Variants in RBFOX1 observed in about 807,000 individuals in gnomAD.
RBFOX1 encodes RNA binding fox-1 homolog 1, also known as RNA binding protein fox-1 homolog 1.
Under a neutral mutation model 57.7 loss-of-function variants are expected in RBFOX1, and 8 were observed. The observed-to-expected ratio is 0.14, with a 90% CI of 0.08 to 0.25. The LOEUF is 0.25. Among genes scored for constraint, RBFOX1 ranks in the 10% least tolerant of loss-of-function variants. The pLI is 1.00. For missense variants in RBFOX1, 611 were observed against 548.5 expected (o/e 1.11, Z -1.14); for synonymous variants, 326 against 222.4 (o/e 1.47, Z -4.15).
chr16:5,973,323 T>A (rs2059998872), intron 4 of RBFOX1, among the ~76,000 whole-genome samples: 1 of 152,192 alleles, frequency 6.6e-6, no homozygotes, highest in African/African-American at 2.4e-5. Flanking sequence ...TAGATCTATA[T>A]CACACATGAA....
intron 5 of RBFOX1, among the ~76,000 whole-genome samples, chr16:7,574,958 C>T (rs1334234009): frequency 6.6e-6 from 1 of 151,580 alleles, no homozygotes; most frequent in Non-Finnish European, 1.5e-5. Context: ...ACTGCATACA[C>T]CTTTGCTTTA....
chr16:6,989,569 A>T (rs1326532958), intron 3 of RBFOX1, among the ~76,000 whole-genome samples: 1 of 152,228 alleles, frequency 6.6e-6, no homozygotes, highest in Non-Finnish European at 1.5e-5. Context: ...TAAAGAATAG[A>T]AACAGGTACA....
At chr16:5,645,328 G>C (rs999167230) in intron 3 of RBFOX1, among the ~76,000 whole-genome samples, 1 of 151,688 alleles carries the variant, frequency 6.6e-6, no homozygotes, top group East Asian at 1.9e-4. Flanking sequence ...GCCACATATT[G>C]TATGATTCCA....
intron 4 of RBFOX1, among the ~76,000 whole-genome samples, chr16:7,206,386 T>A (rs925549965): frequency 6.6e-6 from 1 of 151,866 alleles, no homozygotes; most frequent in Non-Finnish European, 1.5e-5. Flanking sequence ...ACTACATGCA[T>A]TTTTAGCAAT....
intron 1 of RBFOX1, among the ~76,000 whole-genome samples, chr16:6,065,216 G>A (rs1477643110): frequency 1.6e-5 from 2 of 127,372 alleles, no homozygotes; most frequent in African/African-American, 5.8e-5. Context: ...TTTTTTTTCT[G>A]TAGAGACAGG....
At chr16:7,685,474 C>T (rs1325123388) in intron 14 of RBFOX1, among the ~76,000 whole-genome samples, 5 of 152,058 alleles carry the variant, frequency 3.3e-5, no homozygotes, top group Non-Finnish European at 7.4e-5. Context: ...AAAGGAGTAC[C>T]TGAAAAAGTT....
intron 1 of RBFOX1, among the ~76,000 whole-genome samples, chr16:5,299,139 TA>T (rs2063746043): frequency 6.6e-6 from 1 of 151,708 alleles, no homozygotes; most frequent in African/African-American, 2.4e-5. Flanking sequence ...CACAATAAAT[TA>T]AATTTGCCAC....
In RBFOX1 at chr16:7,435,321, T is replaced by C. The variant is rs75053062; in HGVS notation, c.28-82826T>C. Among the ~76,000 whole-genome samples, 80 of 152,226 alleles carry C rather than the reference T, an allele frequency of 5.3e-4. No homozygotes were observed. In the East Asian group the frequency reaches 7.9e-3, roughly 15 times the overall value. Reference sequence around the variant, plus strand: ...TTGTCTGATGGTGAGACTGGAGTTATGGGTTACGGAGAGGAAGACCACAGA... The same window carrying C: ...TTGTCTGATGGTGAGACTGGAGTTACGGGTTACGGAGAGGAAGACCACAGA... On this transcript the variant is annotated intron_variant, in intron 4 of 15. Transcript: ENST00000550418.
chr16:6,251,614 G>A (rs1468452661), intron 1 of RBFOX1, among the ~76,000 whole-genome samples: 2 of 151,960 alleles, frequency 1.3e-5, no homozygotes, highest in African/African-American at 4.8e-5. Flanking sequence ...AAAAGAGAGA[G>A]AAAAAAATGA....
At chr16:5,495,994 C>T (rs976196515) in intron 2 of RBFOX1, among the ~76,000 whole-genome samples, 3 of 152,148 alleles carry the variant, frequency 2.0e-5, no homozygotes, top group Non-Finnish European at 2.9e-5. Flanking sequence ...GGCATGGTGG[C>T]GGGTGCCTGT....
chr16:7,616,124 C>T (rs1374339602), intron 10 of RBFOX1, among the ~76,000 whole-genome samples: 1 of 152,214 alleles, frequency 6.6e-6, no homozygotes, highest in Non-Finnish European at 1.5e-5. Flanking sequence ...CAAGACCACT[C>T]TCAGGCTCCA....
chr16:6,859,141 GTATATATA>G (rs1174185442), intron 3 of RBFOX1, among the ~76,000 whole-genome samples: 1 of 98,250 alleles, frequency 1.0e-5, no homozygotes, highest in African/African-American at 5.5e-5. Flanking sequence ...ATATATATAC[GTATATATA>G]TATGTATATA....
At chr16:5,289,279 A>G (rs966161184) in intron 1 of RBFOX1, 3 of 414,256 alleles carry the variant, frequency 7.2e-6, no homozygotes, top group Non-Finnish European at 1.4e-5. Flanking sequence ...GCACCCAGGC[A>G]TCATGGGCAT....
chr16:7,056,828 T>C (rs578238545), intron 4 of RBFOX1, among the ~76,000 whole-genome samples: 55 of 152,254 alleles, frequency 3.6e-4, no homozygotes, highest in Middle Eastern at 6.8e-3. Context: ...CAAATACTGA[T>C]CTGCAATATG....
At chr16:6,913,353 C>T (rs911180017) in intron 3 of RBFOX1, among the ~76,000 whole-genome samples, 8 of 152,068 alleles carry the variant, frequency 5.3e-5, no homozygotes, top group Admixed American at 1.3e-4. Context: ...TTTTAACCCC[C>T]TTATGAGCGT....
intron 4 of RBFOX1, among the ~76,000 whole-genome samples, chr16:7,469,888 G>A (rs7198769): frequency 0.63 from 95,108 of 151,998 alleles, 30,905 homozygotes; most frequent in African/African-American, 0.8. Context: ...GTCTCTCTGA[G>A]TTTGACTACG....
chr16:6,984,102 C>G (rs1215674673), intron 3 of RBFOX1, among the ~76,000 whole-genome samples: 1 of 152,082 alleles, frequency 6.6e-6, no homozygotes, highest in Non-Finnish European at 1.5e-5. Flanking sequence ...ACGAAATTAG[C>G]CGAGTATGAT....
intron 7 of RBFOX1, among the ~76,000 whole-genome samples, chr16:7,593,901 C>G (rs114655178): frequency 0.016 from 2,448 of 152,246 alleles, 56 homozygotes; most frequent in African/African-American, 0.056. Flanking sequence ...ACATCCACAT[C>G]CCCTGTCTTC....
chr16:6,567,348 G>A (rs1004503906), intron 2 of RBFOX1, among the ~76,000 whole-genome samples: 1 of 152,276 alleles, frequency 6.6e-6, no homozygotes, highest in Middle Eastern at 3.4e-3. Context: ...ATGTTACTCT[G>A]TGTGCTGAAG....
Sources: allele counts gnomAD v4.1 joint callset (sites outside exome capture counted in the v4.1 genomes callset), GRCh38; gene constraint gnomAD v4.1.1; transcripts MANE v1.5; gene names NCBI Gene and HGNC (gene_info 2026-07-23, HGNC 2026-07-21).